The following KCNQ5 variants were observed in gnomAD, a reference collection of about 807,000 sequenced individuals.
KCNQ5 encodes the protein potassium voltage-gated channel subfamily KQT member 5.
In KCNQ5, 30 loss-of-function variants were observed where a neutral mutation model predicts 98.2. That is an observed-to-expected ratio of 0.31 (90% CI 0.23 to 0.41). The LOEUF is 0.41. Among genes scored for constraint, KCNQ5 ranks in the 10% least tolerant of loss-of-function variants. The pLI, the probability that KCNQ5 is intolerant of heterozygous loss-of-function variation, is 1.00. For missense variants in KCNQ5, 835 were observed against 1,182.5 expected, an observed-to-expected ratio of 0.71 and a Z score of 4.31; for synonymous variants, 458 against 449.4, an observed-to-expected ratio of 1.02 and a Z score of -0.24.
intron 7 of KCNQ5, among the ~76,000 whole-genome samples, chr6:73,117,347 G>A (rs1246788585): frequency 6.6e-6 from 1 of 151,382 alleles, no homozygotes; most frequent in Admixed American, 6.6e-5. Context: ...ACTAATATCA[G>A]CCATGTGACA....
chr6:72,917,623 C>T (rs940806831), intron 1 of KCNQ5, among the ~76,000 whole-genome samples: 4 of 152,010 alleles, frequency 2.6e-5, no homozygotes, highest in African/African-American at 9.7e-5. Flanking sequence ...CAGGCACATG[C>T]CACCACACCC....
intron 1 of KCNQ5, among the ~76,000 whole-genome samples, chr6:72,896,909 G>C (rs573854192): frequency 6.6e-6 from 1 of 152,136 alleles, no homozygotes; most frequent in African/African-American, 2.4e-5. Context: ...CTCTTACTAG[G>C]GAATTCTGAG....
chr6:72,910,563 G>GGT (rs963735270), intron 1 of KCNQ5, among the ~76,000 whole-genome samples: 30 of 43,072 alleles, frequency 7.0e-4, no homozygotes, highest in East Asian at 6.7e-3. Context: ...AAGGTAGGGG[G>GGT]GTGTGTGTGT....
chr6:72,905,108 A>G (rs534523588), intron 1 of KCNQ5, among the ~76,000 whole-genome samples: 20 of 152,282 alleles, frequency 1.3e-4, no homozygotes, highest in African/African-American at 4.8e-4. Context: ...GATTGGGTTA[A>G]TTCAAACGCC....
chr6:72,995,259 T>G (rs1050125509), intron 1 of KCNQ5, among the ~76,000 whole-genome samples: 3 of 151,440 alleles, frequency 2.0e-5, no homozygotes, highest in South Asian at 2.1e-4. Flanking sequence ...TCCCAGTTAC[T>G]TGGGAGGCTG....
intron 1 of KCNQ5, among the ~76,000 whole-genome samples, chr6:72,765,075 A>G (rs113408658): frequency 0.059 from 8,961 of 152,172 alleles, 293 homozygotes; most frequent in Middle Eastern, 0.11. Flanking sequence ...CAGTGCTGCA[A>G]CAACATAGGA....
intron 11 of KCNQ5, among the ~76,000 whole-genome samples, chr6:73,175,783 A>C (rs1185647744): frequency 6.6e-6 from 1 of 152,256 alleles, no homozygotes; most frequent in East Asian, 1.9e-4. Context: ...AGAAAAGTAG[A>C]GTCAATTACA....
chr6:73,111,598 A>G (rs1582379165), intron 7 of KCNQ5, among the ~76,000 whole-genome samples, 195 bp downstream of exon 7: 1 of 152,212 alleles, frequency 6.6e-6, no homozygotes, highest in Non-Finnish European at 1.5e-5. Flanking sequence ...ACTGAAACAC[A>G]TGTATTTTTA....
chr6:72,908,989 A>G (rs1324084276), intron 1 of KCNQ5, among the ~76,000 whole-genome samples: 2 of 152,180 alleles, frequency 1.3e-5, no homozygotes, highest in East Asian at 1.9e-4. Context: ...CTCACTCTCT[A>G]CAATTAAAAA....
chr6:73,041,911 T>C, intron 2 of KCNQ5, 25 bp from the exon 3 acceptor site: 3 of 1,613,544 alleles, frequency 1.9e-6, no homozygotes, highest in Non-Finnish European at 2.5e-6. Flanking sequence ...TGCTTCTCTC[T>C]GATATGTCTT....
chr6:72,759,362 GA>G (rs534905398), intron 1 of KCNQ5, among the ~76,000 whole-genome samples: 4 of 151,850 alleles, frequency 2.6e-5, no homozygotes, highest in African/African-American at 9.7e-5. Flanking sequence ...AGTTATAAGG[GA>G]AAAAAAATAT....
At chr6:73,071,404 A>G (rs1359948277) in intron 3 of KCNQ5, among the ~76,000 whole-genome samples, 3 of 152,218 alleles carry the variant, frequency 2.0e-5, no homozygotes, top group Non-Finnish European at 2.9e-5. Context: ...TTTCAGCATC[A>G]TTTTAATAGC....
chr6:72,918,141 T>G (rs1780241684), intron 1 of KCNQ5, among the ~76,000 whole-genome samples: 1 of 152,148 alleles, frequency 6.6e-6, no homozygotes, highest in Non-Finnish European at 1.5e-5. Context: ...CAAACTGAGT[T>G]TCCTGTGTCA....
intron 1 of KCNQ5, among the ~76,000 whole-genome samples, chr6:72,843,494 G>T (rs1008354803): frequency 2.0e-5 from 3 of 152,106 alleles, no homozygotes; most frequent in African/African-American, 7.2e-5. Context: ...ATGAAATTTA[G>T]TGTAGTTTTT....
chr6:72,783,473 C>T (rs1037926912), intron 1 of KCNQ5, among the ~76,000 whole-genome samples: 1 of 152,130 alleles, frequency 6.6e-6, no homozygotes, highest in Non-Finnish European at 1.5e-5. Flanking sequence ...ATATGCAAGA[C>T]ATATTCAAGC....
At chr6:72,684,429 C>G (rs1217545157) in intron 1 of KCNQ5, among the ~76,000 whole-genome samples, 1 of 152,232 alleles carries the variant, frequency 6.6e-6, no homozygotes, top group Non-Finnish European at 1.5e-5. Context: ...GCCTGGAAAT[C>G]TCCATCCACA....
intron 1 of KCNQ5, among the ~76,000 whole-genome samples, chr6:72,747,255 C>T (rs1582214401): frequency 6.6e-6 from 1 of 152,124 alleles, no homozygotes; most frequent in South Asian, 2.1e-4. Context: ...ATACTTAGCA[C>T]TTCTTCAGAA....
At chr6:72,629,758 T>C (rs73533641) in intron 1 of KCNQ5, among the ~76,000 whole-genome samples, 6,082 of 152,364 alleles carry the variant, frequency 0.04, 137 homozygotes, top group Middle Eastern at 0.12. Flanking sequence ...TTATCTTTAA[T>C]ATGTATGTGT....
At chr6:72,788,250 G>T (rs1476090625) in intron 1 of KCNQ5, among the ~76,000 whole-genome samples, 1 of 152,200 alleles carries the variant, frequency 6.6e-6, no homozygotes. Flanking sequence ...TATAAAATGT[G>T]CTAACAAACC....
Sources: allele counts gnomAD v4.1 joint callset (sites outside exome capture counted in the v4.1 genomes callset), GRCh38; gene constraint gnomAD v4.1.1; transcripts MANE v1.5; gene names NCBI Gene and HGNC (gene_info 2026-07-23, HGNC 2026-07-21).